Variants in PTPRD observed in about 807,000 individuals in gnomAD.
PTPRD encodes the protein receptor-type tyrosine-protein phosphatase delta.
In PTPRD, 34 loss-of-function variants were observed where a neutral mutation model predicts 214.5. The ratio of observed to expected loss-of-function variants is 0.16; its 90% CI spans 0.12 to 0.21. PTPRD has a LOEUF of 0.21. Ranked by LOEUF, PTPRD falls within the 10% of genes least tolerant of loss-of-function variation. The probability of loss-of-function intolerance (pLI) is 1.00; values close to 1 mark genes in which losing one functional copy is unlikely to be tolerated. For synonymous variants in PTPRD, 1,128 were observed against 845.7 expected (o/e 1.33, Z -5.79); for missense variants, 2,545 against 2,398.7 (o/e 1.06, Z -1.27).
intron 8 of PTPRD, among the ~76,000 whole-genome samples, chr9:9,434,486 A>C (rs62532954): frequency 0.37 from 56,789 of 152,052 alleles, 11,226 homozygotes; most frequent in Middle Eastern, 0.59. Flanking sequence ...TATGCCAATG[A>C]CAATACCAAC....
intron 3 of PTPRD, among the ~76,000 whole-genome samples, chr9:10,084,118 C>T (rs1472841018): frequency 1.3e-5 from 2 of 151,856 alleles, no homozygotes; most frequent in Admixed American, 6.6e-5. Context: ...GTTATAAGTA[C>T]TAAGTGACAT....
At chr9:9,462,574 A>G (rs559284731) in intron 8 of PTPRD, among the ~76,000 whole-genome samples, 19 of 152,296 alleles carry the variant, frequency 1.2e-4, no homozygotes, top group Admixed American at 2.0e-4. Context: ...CAATCCAACA[A>G]TAAAAACCAT....
chr9:9,647,269 A>G (rs1216403901), intron 7 of PTPRD, among the ~76,000 whole-genome samples: 3 of 152,126 alleles, frequency 2.0e-5, no homozygotes, highest in African/African-American at 4.8e-5. Flanking sequence ...CTCAAACTTT[A>G]AAAAATTAAA....
chr9:9,862,697 G>T (rs532872727), intron 5 of PTPRD, among the ~76,000 whole-genome samples: 1 of 112,576 alleles, frequency 8.9e-6, no homozygotes, highest in African/African-American at 3.4e-5. Flanking sequence ...TGTCTCTGAA[G>T]AAAGTTTACT....
At chr9:9,788,841 A>G (rs1367629531) in intron 5 of PTPRD, among the ~76,000 whole-genome samples, 1 of 152,122 alleles carries the variant, frequency 6.6e-6, no homozygotes, top group East Asian at 1.9e-4. Context: ...GTGTTTAAAC[A>G]ACTATCTAAC....
intron 5 of PTPRD, among the ~76,000 whole-genome samples, chr9:9,868,446 A>G (rs1600305868): frequency 6.6e-6 from 1 of 152,154 alleles, no homozygotes; most frequent in Admixed American, 6.6e-5. Context: ...GGTGTGAAAG[A>G]GCAAGTCAAA....
At chr9:9,816,649 G>T (rs1255988804) in intron 5 of PTPRD, among the ~76,000 whole-genome samples, 2 of 151,928 alleles carry the variant, frequency 1.3e-5, no homozygotes, top group Non-Finnish European at 2.9e-5. Context: ...TGGAAAAAGG[G>T]AAGACCTTTT....
At chr9:8,623,325 T>C (rs776014023) in intron 14 of PTPRD, among the ~76,000 whole-genome samples, 15 of 151,936 alleles carry the variant, frequency 9.9e-5, no homozygotes, top group Admixed American at 2.0e-4. Context: ...CTCTTAAGTA[T>C]ACTCCCCTAT....
At chr9:8,483,237 G>T (rs549802578) in intron 30 of PTPRD, among the ~76,000 whole-genome samples, 1 of 152,046 alleles carries the variant, frequency 6.6e-6, no homozygotes, top group Non-Finnish European at 1.5e-5. Flanking sequence ...CAGAAAACTT[G>T]AATTTTCTAA....
intron 14 of PTPRD, among the ~76,000 whole-genome samples, chr9:8,566,056 A>C (rs980442245): frequency 8.6e-5 from 13 of 151,524 alleles, no homozygotes; most frequent in African/African-American, 3.2e-4. Flanking sequence ...TGGAACAGAA[A>C]CTGAAAATAC....
chr9:10,540,789 G>T (rs1258723400), intron 2 of PTPRD, among the ~76,000 whole-genome samples: 1 of 152,184 alleles, frequency 6.6e-6, no homozygotes, highest in East Asian at 1.9e-4. Flanking sequence ...GTAACATGAA[G>T]TGGTGTGTAG....
intron 9 of PTPRD, among the ~76,000 whole-genome samples, chr9:9,248,580 T>C (rs1569565661): frequency 6.6e-6 from 1 of 152,102 alleles, no homozygotes; most frequent in African/African-American, 2.4e-5. Flanking sequence ...ATTGTTTATA[T>C]GTCATCTCTG....
intron 3 of PTPRD, among the ~76,000 whole-genome samples, chr9:10,331,133 G>T (rs2154434405): frequency 6.6e-6 from 1 of 151,838 alleles, no homozygotes; most frequent in Admixed American, 6.6e-5. Flanking sequence ...AATTCCATAA[G>T]ATCTAAGCCC....
At chr9:10,558,004 C>T (rs185548637) in intron 2 of PTPRD, among the ~76,000 whole-genome samples, 4 of 152,124 alleles carry the variant, frequency 2.6e-5, no homozygotes, top group Non-Finnish European at 5.9e-5. Flanking sequence ...ATTCTTAATA[C>T]TACTGGAACA....
intron 5 of PTPRD, among the ~76,000 whole-genome samples, chr9:9,801,594 T>G (rs1031275919): frequency 2.0e-5 from 3 of 152,102 alleles, no homozygotes; most frequent in Non-Finnish European, 2.9e-5. Flanking sequence ...ACAAAACTTT[T>G]GTTGGACTAA....
At chr9:9,185,653 G>A (rs1441848452) in intron 9 of PTPRD, among the ~76,000 whole-genome samples, 1 of 152,076 alleles carries the variant, frequency 6.6e-6, no homozygotes, top group East Asian at 1.9e-4. Flanking sequence ...TTGATCTGAA[G>A]TAGAAAATCC....
intron 2 of PTPRD, among the ~76,000 whole-genome samples, chr9:10,477,513 A>T (rs1307448168): frequency 1.3e-5 from 2 of 152,192 alleles, no homozygotes; most frequent in African/African-American, 4.8e-5. Context: ...AGAAATAAGA[A>T]TGCTTTTACA....
chr9:8,737,722 C>G (rs1175203251), intron 11 of PTPRD, among the ~76,000 whole-genome samples: 1 of 152,178 alleles, frequency 6.6e-6, no homozygotes, highest in Non-Finnish European at 1.5e-5. Context: ...ACAATCTCAG[C>G]TCTCTGCTAC....
chr9:10,052,342 G>C (rs1050566190), intron 3 of PTPRD, among the ~76,000 whole-genome samples: 1 of 152,126 alleles, frequency 6.6e-6, no homozygotes, highest in East Asian at 1.9e-4. Flanking sequence ...AAAGGCGCCT[G>C]CTTAGTGGCA....
Sources: gnomAD v4.1 joint callset for allele counts (sites outside exome capture counted in the v4.1 genomes callset) on GRCh38, gnomAD v4.1.1 for gene constraint, MANE v1.5 for transcripts, NCBI Gene and HGNC (gene_info 2026-07-23, HGNC 2026-07-21) for gene names.